The following YTHDF2 variants were observed in gnomAD, a reference collection of about 807,000 sequenced individuals.
YTHDF2 encodes YTH N6-methyladenosine RNA binding protein F2.
YTHDF2 carries 2 observed loss-of-function variants against 50.4 expected under a neutral mutation model. The observed-to-expected ratio is 0.04, with a 90% CI of 0.02 to 0.12. The LOEUF (loss-of-function observed/expected upper bound fraction) is 0.12, where lower values mean the gene tolerates loss of function less well. Ranked by LOEUF, YTHDF2 falls within the 10% of genes least tolerant of loss-of-function variation. The pLI, the probability that YTHDF2 is intolerant of heterozygous loss-of-function variation, is 1.00. For missense variants in YTHDF2, 483 were observed against 722.6 expected (o/e 0.67, Z 3.80); for synonymous variants, 217 against 255.6 (o/e 0.85, Z 1.44).
At chr1:28,750,899 C>G (rs1233611802) in intron 4 of YTHDF2, among the ~76,000 whole-genome samples, 1 of 151,822 alleles carries the variant, frequency 6.6e-6, no homozygotes, top group Non-Finnish European at 1.5e-5. Flanking sequence ...TCAAGACCAT[C>G]CTGGGCAACA....
chr1:28,754,208 T>C (rs2088002267), intron 4 of YTHDF2, among the ~76,000 whole-genome samples: 1 of 152,176 alleles, frequency 6.6e-6, no homozygotes, highest in Admixed American at 6.5e-5. Context: ...GATCAACAAA[T>C]GGAAGCTTAG....
intron 4 of YTHDF2, among the ~76,000 whole-genome samples, chr1:28,757,593 G>GT (rs11309753): frequency 2.0e-5 from 3 of 151,556 alleles, no homozygotes; most frequent in Non-Finnish European, 4.4e-5. Flanking sequence ...CTTCATGTGA[G>GT]TTTTTTTTGA....
In YTHDF2 at chr1:28,737,042, C is replaced by G; in HGVS notation, c.-79C>G. On this transcript the variant is annotated 5_prime_UTR_variant, in exon 1 of 5. Transcript: ENST00000373812. ...AGGGACAAAAGCCTCCGCCTGCTCC[C>G]GCAGACGGGGCTCATCTGCCGCCGC... 1 of 1,528,702 alleles carries G rather than the reference C, an allele frequency of 6.5e-7. No homozygotes were observed. The highest frequency in any genetic ancestry group is 8.8e-7 in the Non-Finnish European group (1 of 1,133,124). The allele number at this position is 1,528,702 out of a possible 1,614,324, so 94.7% of individuals were successfully genotyped here.
In YTHDF2 at chr1:28,737,113, T is replaced by G. The variant is rs751843340; in HGVS notation, c.-8T>G. On this transcript the variant is annotated 5_prime_UTR_variant, in exon 1 of 5. Coordinates refer to ENST00000373812, the MANE Select transcript of YTHDF2 (RefSeq NM_016258.3). ...GCCGCCGTCGCCGCCCGTGAGGATCTGAGAGCCATGTCGGCCAGCAGCCTC... is the reference window on the plus strand; with the variant it reads ...GCCGCCGTCGCCGCCCGTGAGGATCGGAGAGCCATGTCGGCCAGCAGCCTC... 1.3e-6 allele frequency: 2 copies of G among 1,598,118 alleles called. No homozygotes were observed. The highest frequency in any genetic ancestry group is 2.2e-5 in the South Asian group (2 of 88,896).
intron 4 of YTHDF2, among the ~76,000 whole-genome samples, chr1:28,762,760 G>GCAGA (rs761081437): frequency 8.5e-4 from 130 of 152,266 alleles, no homozygotes; most frequent in Non-Finnish European, 1.5e-3. Context: ...TTGCATATGT[G>GCAGA]CAGACTTTAA....
chr1:28,741,775 C>G (rs2087780799), intron 3 of YTHDF2, among the ~76,000 whole-genome samples: 1 of 152,198 alleles, frequency 6.6e-6, no homozygotes, highest in South Asian at 2.1e-4. Flanking sequence ...TGGGCTAGAA[C>G]TTGAAATTTC....
At position 28,742,869 on chromosome 1, in the gene YTHDF2, C is replaced by G; in HGVS notation, c.599C>G (p.Ala200Gly). 3.7e-6 allele frequency: 6 copies of G among 1,614,110 alleles called. No homozygotes were observed. The highest frequency in any genetic ancestry group is 5.1e-6 in the Non-Finnish European group (6 of 1,180,036). Residue 200 changes from alanine (A) to glycine (G), a missense_variant, in exon 4 of 5, where the codon GCA (alanine) becomes GGA (glycine). Transcript: ENST00000373812. ...CTGAAGTTGGGTAGCACAGAAGTTGCAAGCAATGTTCCAAAAGTTGTAGGT... is the reference window on the plus strand; with the variant it reads ...CTGAAGTTGGGTAGCACAGAAGTTGGAAGCAATGTTCCAAAAGTTGTAGGT... Reference protein sequence around the residue: ...AALKLGSTEVASNVPKVVGSA... With the variant: ...AALKLGSTEVGSNVPKVVGSA...
In YTHDF2 at chr1:28,742,808, C is replaced by G. The variant is rs764709531; in HGVS notation, c.538C>G (p.Pro180Ala). 3 of 1,614,098 alleles carry G rather than the reference C, an allele frequency of 1.9e-6. No individual in the cohort carries two copies. The highest frequency in any genetic ancestry group is 2.2e-5 in the East Asian group (1 of 44,886). Residue 180 changes from proline (P) to alanine (A), a missense_variant, in exon 4 of 5, where the codon CCT becomes GCT. Pro to Ala is a conservative substitution (Grantham distance 27). Around this residue, in one of 4 missense-constraint regions of YTHDF2, gnomAD observed 385 missense variants for 475.8 expected, o/e 0.81. Coordinates refer to ENST00000373812, the MANE Select transcript of YTHDF2 (RefSeq NM_016258.3). The stretch of plus-strand genomic sequence containing the variant: ...TGCCAATGAGACCCTCAATAAGGCT[C>G]CTGGCATGAATACTATAGACCAAGG... ...AFANETLNKAPGMNTIDQGMA... is the reference protein window; with the variant it reads ...AFANETLNKAAGMNTIDQGMA...
rs2087809410 is a variant in YTHDF2 at position 28,743,385 on chromosome 1, G to A, written c.1115G>A (p.Gly372Glu). ...AATGGGGTGGATGGTAATGGAGTAG[G>A]ACAGTCTCAGGCTGGTTCTGGATCT... ...GHNGVDGNGV[G>E]QSQAGSGSTP... Residue 372 changes from glycine to glutamate, a missense_variant, in exon 4 of 5, where the codon GGA becomes GAA. Gly to Glu is a moderately conservative substitution (Grantham distance 98). Transcript: ENST00000373812. The surrounding 1 kb of genome is among the most constrained non-coding windows in gnomAD (Gnocchi z 6.9). 2.5e-6 allele frequency: 4 copies of A among 1,614,078 alleles called. No individual in the cohort carries two copies. The highest frequency in any genetic ancestry group is 3.4e-6 in the Non-Finnish European group (4 of 1,180,044).
chr1:28,737,716 G>A (rs775773327), intron 2 of YTHDF2, 34 bp downstream of exon 2: 13 of 1,611,592 alleles, frequency 8.1e-6, no homozygotes, highest in Middle Eastern at 1.8e-4. Flanking sequence ...CCTGAGCCGG[G>A]AGGGGGACGC....
At chr1:28,745,724 G>GCCC (rs1222221011) in intron 4 of YTHDF2, among the ~76,000 whole-genome samples, 10 of 43,604 alleles carry the variant, frequency 2.3e-4, no homozygotes, top group East Asian at 1.6e-3. Context: ...ATCTCCCCCC[G>GCCC]CCCCCCCCCC....
intron 4 of YTHDF2, among the ~76,000 whole-genome samples, chr1:28,753,417 G>A (rs2087988241): frequency 7.5e-6 from 1 of 132,644 alleles, no homozygotes; most frequent in East Asian, 2.5e-4. Context: ...GTGTGATGAG[G>A]CACACCTGTA....
intron 4 of YTHDF2, among the ~76,000 whole-genome samples, chr1:28,754,963 CAAAAAAAAAAAAA>C (rs58411768): frequency 1.2e-5 from 1 of 81,466 alleles, no homozygotes; most frequent in South Asian, 4.6e-4. Context: ...GGTGACAGCT[CAAAAAAAAAAAAA>C]AAAAAAAAGG....
At chr1:28,742,047 C>CTTTTTTTTTTT (rs67430325) in intron 3 of YTHDF2, among the ~76,000 whole-genome samples, 2 of 143,394 alleles carry the variant, frequency 1.4e-5, no homozygotes, top group Non-Finnish European at 3.0e-5. Context: ...GTGCTGCACA[C>CTTTTTTTTTTT]TTTTTTTTTT....
chr1:28,741,000 G>A (rs1055052550), intron 3 of YTHDF2, among the ~76,000 whole-genome samples: 3 of 150,050 alleles, frequency 2.0e-5, no homozygotes, highest in African/African-American at 4.9e-5. Context: ...CACCGCGCCC[G>A]GCTATTTATT....
chr1:28,759,200 GTTGATA>G (rs2088078095), intron 4 of YTHDF2, among the ~76,000 whole-genome samples: 2 of 152,144 alleles, frequency 1.3e-5, no homozygotes, highest in South Asian at 4.1e-4. Context: ...GGTGTATAAA[GTTGATA>G]TTGGTAGAGC....
chr1:28,736,728 TC>T (rs2087691397), upstream of YTHDF2: 2 of 253,714 alleles, frequency 7.9e-6, no homozygotes, highest in Non-Finnish European at 1.5e-5. Context: ...GAGCACGGCT[TC>T]CGCTCCTCCA....
At chr1:28,746,804 C>T (rs1223624066) in intron 4 of YTHDF2, among the ~76,000 whole-genome samples, 1 of 151,820 alleles carries the variant, frequency 6.6e-6, no homozygotes, top group African/African-American at 2.4e-5. Flanking sequence ...TAGCTTTTGG[C>T]CAGGCTCTGG....
At chr1:28,736,849 CG>C, upstream of YTHDF2, 1 of 390,556 alleles carries the variant, frequency 2.6e-6, no homozygotes, top group Non-Finnish European at 4.6e-6. Context: ...CCGCGCGCGC[CG>C]CCCGCCTCCG....
Sources: gnomAD v4.1 joint callset for allele counts (sites outside exome capture counted in the v4.1 genomes callset) on GRCh38, gnomAD v4.1.1 for gene constraint, gnomAD v4.1.1 regional missense constraint, Gnocchi (gnomAD v3.1) non-coding constraint, MANE v1.5 for transcripts, NCBI Gene and HGNC (gene_info 2026-07-23, HGNC 2026-07-21) for gene names.